The following DOCK4 variants were observed in gnomAD, a reference collection of about 807,000 sequenced individuals.
DOCK4 encodes the protein dedicator of cytokinesis protein 4.
Under a neutral mutation model 268.1 loss-of-function variants are expected in DOCK4, and 97 were observed. That is an observed-to-expected ratio of 0.36 (90% CI 0.31 to 0.43). DOCK4 has a LOEUF of 0.43. Among genes scored for constraint, DOCK4 ranks in the 20% least tolerant of loss-of-function variants. DOCK4 has a pLI of 1.00. For synonymous variants in DOCK4, 954 were observed against 887.2 expected (o/e 1.08, Z -1.34); for missense variants, 2,145 against 2,455.7 (o/e 0.87, Z 2.67).
Position 111,760,223 on chromosome 7 carries a change from C to G in DOCK4, c.4120G>C (p.Ala1374Pro). Residue 1374 changes from alanine (A) to proline (P), a missense_variant, in exon 40 of 53, where the codon GCC (alanine) becomes CCC (proline). By Grantham distance (27) the Ala-to-Pro change is conservative. This residue lies in a region of DOCK4 where 1,598 missense variants were observed against 1,986.7 expected (regional missense o/e 0.80). Transcript: ENST00000428084. Reference protein sequence around the residue: ...EFPHAIAMQHANQPDETIFQA... With the variant: ...EFPHAIAMQHPNQPDETIFQA... Reference sequence around the variant, plus strand: ...AAGATGGTCTCATCGGGCTGGTTGGCGTGCTGCATGGCGATGGCATGGGGG... The same window carrying G: ...AAGATGGTCTCATCGGGCTGGTTGGGGTGCTGCATGGCGATGGCATGGGGG... 3.1e-6 allele frequency: 5 copies of G among 1,613,960 alleles called. No individual in the cohort carries two copies. The South Asian group carries it at 3.3e-5, about 11-fold the overall frequency.
intron 15 of DOCK4, among the ~76,000 whole-genome samples, chr7:111,898,076 T>G (rs1056283734): frequency 1.3e-5 from 2 of 152,198 alleles, no homozygotes; most frequent in African/African-American, 2.4e-5. Context: ...CTATAATCTA[T>G]TATCCCATAC....
chr7:111,962,460 T>C (rs1410758249), intron 8 of DOCK4, among the ~76,000 whole-genome samples: 3 of 152,190 alleles, frequency 2.0e-5, no homozygotes, highest in South Asian at 2.1e-4. Flanking sequence ...ATGAATTAAC[T>C]TCCCAAAACT....
At chr7:111,854,003 G>C (rs944809349) in intron 23 of DOCK4, among the ~76,000 whole-genome samples, 5 of 151,154 alleles carry the variant, frequency 3.3e-5, no homozygotes, top group Non-Finnish European at 7.4e-5. Flanking sequence ...GCATGATCTC[G>C]GCTCACTGCA....
intron 1 of DOCK4, among the ~76,000 whole-genome samples, chr7:112,163,382 T>G (rs1817314039): frequency 6.6e-6 from 1 of 151,866 alleles, no homozygotes; most frequent in Non-Finnish European, 1.5e-5. Flanking sequence ...ATGACTACCC[T>G]CTTCCCTGGG....
chr7:112,146,647 A>G (rs1815527577), intron 1 of DOCK4, among the ~76,000 whole-genome samples: 2 of 152,136 alleles, frequency 1.3e-5, no homozygotes, highest in Admixed American at 6.6e-5. Context: ...CAGGAGGATC[A>G]CCTGAGTCTG....
At chr7:111,935,508 T>C (rs773358537) in intron 12 of DOCK4, 32 bp downstream of exon 12, 5 of 1,596,184 alleles carry the variant, frequency 3.1e-6, no homozygotes, top group Non-Finnish European at 4.3e-6. Context: ...GAACGAAAAG[T>C]GTAGGGAAAG....
At chr7:111,871,927 C>CT (rs1237705701) in intron 20 of DOCK4, 63 bp downstream of exon 20, 1 of 1,352,910 alleles carries the variant, frequency 7.4e-7, no homozygotes, top group African/African-American at 1.5e-5. Flanking sequence ...TATATCGCCT[C>CT]TTCTGCTGAG....
intron 8 of DOCK4, among the ~76,000 whole-genome samples, chr7:111,958,346 G>T (rs1476521333): frequency 6.6e-6 from 1 of 152,142 alleles, no homozygotes; most frequent in Non-Finnish European, 1.5e-5. Flanking sequence ...AAATGGCGTT[G>T]AATACCAAAG....
intron 1 of DOCK4, among the ~76,000 whole-genome samples, chr7:112,121,259 G>T (rs1174535086): frequency 2.0e-5 from 3 of 152,150 alleles, no homozygotes; most frequent in Non-Finnish European, 2.9e-5. Flanking sequence ...TACCAGATAT[G>T]ATATTTTCTG....
In DOCK4 at chr7:112,037,482, C is replaced by T. The variant is rs552269307; in HGVS notation, c.38-33351G>A. ...CTCCCATTCATCTCATAGGCAACCA[C>T]TGTTCTGATTTCTATGACCACAGAA... is the stretch of plus-strand genomic sequence containing the variant. On this transcript the variant is annotated intron_variant, in intron 1 of 52. Transcript: ENST00000428084. Among the ~76,000 whole-genome samples, 9 of 152,286 alleles carry T rather than the reference C, an allele frequency of 5.9e-5. No individual in the cohort carries two copies. The East Asian group carries it at 1.5e-3, about 26-fold the overall frequency.
At chr7:111,794,444 A>G (rs1261601472) in intron 30 of DOCK4, among the ~76,000 whole-genome samples, 1 of 152,228 alleles carries the variant, frequency 6.6e-6, no homozygotes, top group African/African-American at 2.4e-5. Context: ...GAGGAACAAA[A>G]GGAACAGGAC....
At chr7:111,787,129 T>C (rs1019740946) in intron 32 of DOCK4, among the ~76,000 whole-genome samples, 2 of 152,180 alleles carry the variant, frequency 1.3e-5, no homozygotes, top group Non-Finnish European at 2.9e-5. Context: ...AAATTGCATA[T>C]TATCAAGCCT....
intron 2 of DOCK4, among the ~76,000 whole-genome samples, chr7:112,002,380 T>C (rs868779687): frequency 1.3e-5 from 2 of 152,210 alleles, no homozygotes; most frequent in Non-Finnish European, 2.9e-5. Flanking sequence ...AAGTCTTAGA[T>C]TACAAAACAC....
At chr7:112,027,581 A>G (rs1802917506) in intron 1 of DOCK4, among the ~76,000 whole-genome samples, 1 of 152,194 alleles carries the variant, frequency 6.6e-6, no homozygotes, top group South Asian at 2.1e-4. Context: ...GTCTGCACCA[A>G]ACTAATAGGC....
chr7:111,837,268 T>C (rs1357252097), intron 25 of DOCK4, among the ~76,000 whole-genome samples: 2 of 151,998 alleles, frequency 1.3e-5, no homozygotes, highest in Non-Finnish European at 2.9e-5. Flanking sequence ...CCCCAAAAAC[T>C]ATTAACCAAG....
At chr7:111,911,753 C>A (rs1562876981) in intron 13 of DOCK4, among the ~76,000 whole-genome samples, 2 of 152,112 alleles carry the variant, frequency 1.3e-5, no homozygotes, top group Non-Finnish European at 2.9e-5. Flanking sequence ...ATGATACTGC[C>A]CAGAGACCAA....
chr7:111,935,597 G>C lies in DOCK4; in HGVS notation c.1009C>G (p.His337Asp). Residue 337 changes from histidine to aspartate, a missense_variant, in exon 12 of 53, where the codon CAT (histidine) becomes GAT (aspartate). Coordinates refer to ENST00000428084, the MANE Select transcript of DOCK4 (RefSeq NM_001363540.2). ...CNTESEWYQI[H>D]ENIIKKLNAR... Reference sequence around the variant, plus strand: ...TTCAGCTTTTTGATGATGTTCTCATGGATTTGGTACCACTCACTCTCTGTG... The same window carrying C: ...TTCAGCTTTTTGATGATGTTCTCATCGATTTGGTACCACTCACTCTCTGTG... 1 of 1,613,914 alleles carries C rather than the reference G, an allele frequency of 6.2e-7. No homozygotes were observed.
chr7:112,021,811 C>T (rs909704177), intron 1 of DOCK4, among the ~76,000 whole-genome samples: 4 of 152,256 alleles, frequency 2.6e-5, no homozygotes, highest in Non-Finnish European at 5.9e-5. Flanking sequence ...GCCCTGTCTA[C>T]GGGTTCTTCC....
chr7:112,169,601 A>C (rs1161557178), intron 1 of DOCK4, among the ~76,000 whole-genome samples: 1 of 152,222 alleles, frequency 6.6e-6, no homozygotes, highest in Non-Finnish European at 1.5e-5. Context: ...TAAGGGATGC[A>C]GAATTAGGCA....
Sources: allele counts gnomAD v4.1 joint callset (sites outside exome capture counted in the v4.1 genomes callset), GRCh38; gene constraint gnomAD v4.1.1; regional missense constraint gnomAD v4.1.1; transcripts MANE v1.5; gene names NCBI Gene and HGNC (gene_info 2026-07-23, HGNC 2026-07-21).